EPYC: variants seen among roughly 807,000 people sequenced by gnomAD.
The protein encoded by EPYC is dermatan sulfate proteoglycan 3.
Under a neutral mutation model 30.1 loss-of-function variants are expected in EPYC, and 28 were observed. That is an observed-to-expected ratio of 0.93 (90% CI 0.69 to 1.28). EPYC has a LOEUF of 1.28. EPYC is among the 50% of genes most tolerant of loss of function. The pLI is 0.00. For synonymous variants in EPYC, 144 were observed against 141.4 expected (o/e 1.02, Z -0.13); for missense variants, 382 against 383.5 (o/e 1.00, Z 0.03).
chr12:91,002,363 A>G (rs753686865), intron 2 of EPYC, 38 bp downstream of exon 2: 2 of 1,584,588 alleles, frequency 1.3e-6, no homozygotes, highest in African/African-American at 1.4e-5. Flanking sequence ...TCCTCATCCT[A>G]TGCTTTTTAA....
At chr12:90,994,966 T>A in intron 2 of EPYC, among the ~76,000 whole-genome samples, 1 of 152,096 alleles carries the variant, frequency 6.6e-6, no homozygotes, top group East Asian at 1.9e-4. Flanking sequence ...CGGCAACAAT[T>A]GACTTCTAAA....
At chr12:90,998,288 G>A (rs1877742235) in intron 2 of EPYC, among the ~76,000 whole-genome samples, 2 of 152,022 alleles carry the variant, frequency 1.3e-5, no homozygotes, top group African/African-American at 4.8e-5. Flanking sequence ...AGAGTAAAAT[G>A]AAAGTGCAGT....
intron 2 of EPYC, among the ~76,000 whole-genome samples, chr12:90,979,243 C>T (rs1381978114): frequency 6.6e-6 from 1 of 152,122 alleles, no homozygotes; most frequent in Non-Finnish European, 1.5e-5. Context: ...ATTGGGATGG[C>T]GACATCCAGG....
intron 2 of EPYC, among the ~76,000 whole-genome samples, chr12:90,996,510 C>T (rs1198198203): frequency 6.6e-6 from 1 of 151,770 alleles, no homozygotes; most frequent in Non-Finnish European, 1.5e-5. Flanking sequence ...AAAAAGAAAC[C>T]ATTCCTCAAA....
intron 2 of EPYC, among the ~76,000 whole-genome samples, chr12:90,997,898 C>T (rs188396435): frequency 1.3e-5 from 2 of 151,902 alleles, no homozygotes; most frequent in Admixed American, 6.6e-5. Context: ...TCAACTAAAA[C>T]AAATATCAAG....
intron 6 of EPYC, 148 bp downstream of exon 6, chr12:90,969,896 G>A: frequency 3.1e-6 from 2 of 646,662 alleles, no homozygotes; most frequent in South Asian, 3.8e-5. Flanking sequence ...CTCAGATAAA[G>A]AGAGAGAATA....
chr12:91,000,125 T>A (rs1453831123), intron 2 of EPYC, among the ~76,000 whole-genome samples: 1 of 152,116 alleles, frequency 6.6e-6, no homozygotes, highest in Non-Finnish European at 1.5e-5. Context: ...CACCAAGGAA[T>A]GTTAAGTAAG....
At chr12:90,987,160 C>T (rs1397416379) in intron 2 of EPYC, among the ~76,000 whole-genome samples, 1 of 152,038 alleles carries the variant, frequency 6.6e-6, no homozygotes, top group Non-Finnish European at 1.5e-5. Context: ...TCAAAAATGC[C>T]TAAATTCAAA....
intron 2 of EPYC, among the ~76,000 whole-genome samples, chr12:90,993,384 A>C (rs1445646553): frequency 1.3e-5 from 2 of 152,018 alleles, no homozygotes; most frequent in African/African-American, 4.8e-5. Flanking sequence ...TAGGGGGTAC[A>C]CCTCGCCTTT....
At chr12:90,966,847 T>C (rs1876908649) in intron 6 of EPYC, among the ~76,000 whole-genome samples, 1 of 152,122 alleles carries the variant, frequency 6.6e-6, no homozygotes, top group Admixed American at 6.5e-5. Context: ...ATCCATTCTT[T>C]AGTCAATTTC....
At chr12:90,973,214 C>CTATT (rs58950567) in intron 3 of EPYC, among the ~76,000 whole-genome samples, 134,424 of 151,848 alleles carry the variant, frequency 0.89, 59,509 homozygotes, top group South Asian at 0.95. Context: ...TAGTACTTTT[C>CTATT]TATTAGAAAT....
chr12:90,966,380 T>C (rs1473636750), intron 6 of EPYC, among the ~76,000 whole-genome samples: 1 of 152,146 alleles, frequency 6.6e-6, no homozygotes, highest in African/African-American at 2.4e-5. Context: ...AATGCTTTTC[T>C]TGACATCTAT....
Position 90,972,831 on chromosome 12 carries a change from C to A in EPYC, c.490G>T (p.Ala164Ser). The change falls in exon 4 of 7, where the codon GCA becomes TCA. Residue 164 changes from alanine (A) to serine (S), a missense_variant. Physicochemically the swap from Ala to Ser is moderately conservative, Grantham distance 99. Transcript: ENST00000261172. ...RIKKINKNDF[A>S]SLSDLKRIDL... ...ATGCTGTCATCCATACTTAGGCTTG[C>A]AAAGTCATTTTTGTTGATCTTTTTA... 1 of 1,613,252 alleles carries A rather than the reference C, an allele frequency of 6.2e-7. No individual in the cohort carries two copies. The highest frequency in any genetic ancestry group is 8.5e-7 in the Non-Finnish European group (1 of 1,179,512).
chr12:90,978,331 A>G lies in EPYC; in HGVS notation c.166-69T>C. On this transcript the variant is annotated intron_variant, in intron 2 of 6. Transcript: ENST00000261172. ...CAGTCACTCTGTGTGGCAGTGACACAAATTTAAAATGTACCCATATTTGCC... is the reference window on the plus strand; with the variant it reads ...CAGTCACTCTGTGTGGCAGTGACACGAATTTAAAATGTACCCATATTTGCC... 3 of 1,460,738 alleles carry G rather than the reference A, an allele frequency of 2.1e-6. No individual in the cohort carries two copies. The South Asian group carries it at 3.9e-5, about 19-fold the overall frequency. 90.5% of individuals were successfully genotyped at this position (1,460,738 alleles called of 1,614,324 possible).
In EPYC at chr12:90,964,251, C is replaced by G; in HGVS notation, c.874G>C (p.Glu292Gln). ...KNLTYIRKAL[E>Q]DIRLDGNPIN... Reference sequence around the variant, plus strand: ...GGGTTTCCATCCAATCGAATGTCCTCTAGTGCCTTACGAATATAAGTCAAA... The same window carrying G: ...GGGTTTCCATCCAATCGAATGTCCTGTAGTGCCTTACGAATATAAGTCAAA... The change falls in exon 7 of 7, where the codon GAG becomes CAG. Residue 292 changes from glutamate to glutamine, a missense_variant. Physicochemically the swap from Glu to Gln is conservative, Grantham distance 29. Coordinates refer to ENST00000261172, the MANE Select transcript of EPYC (RefSeq NM_004950.5). The G allele has an allele frequency of 3.7e-6, 6 of 1,613,386 alleles. No homozygotes were observed. Among genetic ancestry groups the G allele is most frequent in the Non-Finnish European group, 5.1e-6 (6 of 1,179,406 alleles).
chr12:90,979,770 A>C (rs577010621), intron 2 of EPYC, among the ~76,000 whole-genome samples: 1 of 152,244 alleles, frequency 6.6e-6, no homozygotes, highest in Non-Finnish European at 1.5e-5. Context: ...CTAGGCTGTA[A>C]GCATAATAGG....
chr12:90,982,912 T>C (rs1196666803), intron 2 of EPYC, among the ~76,000 whole-genome samples: 1 of 152,170 alleles, frequency 6.6e-6, no homozygotes, highest in Non-Finnish European at 1.5e-5. Context: ...AGGTTGATTC[T>C]TTGTCTTGGC....
chr12:90,972,020 A>G lies in EPYC; in HGVS notation c.500-18T>C, dbSNP rs759026050. ...TAAATCACCTAGCAGAAAAAAATAA[A>G]GGAAGTAATTAAATATTCTTGTTTT... is the stretch of plus-strand genomic sequence containing the variant. On this transcript the variant is annotated intron_variant, in intron 4 of 6. Coordinates refer to ENST00000261172, the MANE Select transcript of EPYC (RefSeq NM_004950.5). 40 of 1,364,368 alleles carry G rather than the reference A, an allele frequency of 2.9e-5. No homozygotes were observed. In the Admixed American group the frequency reaches 9.5e-4, roughly 32 times the overall value. 84.5% of individuals were successfully genotyped at this position (1,364,368 alleles called of 1,614,324 possible).
intron 2 of EPYC, among the ~76,000 whole-genome samples, chr12:90,990,533 C>A (rs1005162865): frequency 6.6e-6 from 1 of 152,098 alleles, no homozygotes; most frequent in South Asian, 2.1e-4. Context: ...CTGATTTTAT[C>A]TCCTGGGGCA....
Sources: gnomAD v4.1 joint callset for allele counts (sites outside exome capture counted in the v4.1 genomes callset) on GRCh38, gnomAD v4.1.1 for gene constraint, MANE v1.5 for transcripts, NCBI Gene and HGNC (gene_info 2026-07-23, HGNC 2026-07-21) for gene names.